DDX54: variants seen among roughly 807,000 people sequenced by gnomAD.
DDX54 encodes DEAD-box helicase 54.
DDX54 carries 67 observed loss-of-function variants against 105.5 expected under a neutral mutation model. The ratio of observed to expected loss-of-function variants is 0.64; its 90% CI spans 0.52 to 0.78. The LOEUF is 0.78. Among genes scored for constraint, DDX54 ranks in the 30% least tolerant of loss-of-function variants. The pLI is 0.00. For missense variants in DDX54, 1,206 were observed against 1,230.5 expected (o/e 0.98, Z 0.30); for synonymous variants, 514 against 509.9 (o/e 1.01, Z -0.11).
At chr12:113,185,171 C>T in intron 1 of DDX54, 107 bp downstream of exon 1, 1 of 1,364,298 alleles carries the variant, frequency 7.3e-7, no homozygotes, top group South Asian at 1.6e-5. Flanking sequence ...AGCCTCCCTC[C>T]CCACACTCTG....
At chr12:113,184,186 TC>T (rs975927395) in intron 1 of DDX54, among the ~76,000 whole-genome samples, 57 of 152,324 alleles carry the variant, frequency 3.7e-4, no homozygotes, top group African/African-American at 1.3e-3. Flanking sequence ...CCTCAGGTGA[TC>T]CGCCTGCCTC....
In DDX54 at chr12:113,185,350, G is replaced by A; in HGVS notation, c.102C>T (p.Ser34=). Residue 34 remains serine, a synonymous_variant, in exon 1 of 20, where the codon TCC becomes TCT. Transcript: ENST00000306014. Reference sequence around the variant, plus strand: ...CCTCCGAGTCGCTGCCGCGGGCCTGGGAGGCCGCGCCTCGGCGCTTCCGGA... The same window carrying A: ...CCTCCGAGTCGCTGCCGCGGGCCTGAGAGGCCGCGCCTCGGCGCTTCCGGA... ...KGLRKRRGAA[S]QARGSDSEDG... 2 of 1,587,702 alleles carry A rather than the reference G, an allele frequency of 1.3e-6. No homozygotes were observed. The highest frequency in any genetic ancestry group is 1.7e-6 in the Non-Finnish European group (2 of 1,170,140).
intron 12 of DDX54, among the ~76,000 whole-genome samples, chr12:113,167,070 T>C (rs532587327): frequency 1.1e-3 from 162 of 152,222 alleles, no homozygotes; most frequent in Middle Eastern, 0.01. Flanking sequence ...GTTCTAACTT[T>C]TTACTACAAA....
At chr12:113,174,504 A>G in intron 10 of DDX54, 136 bp downstream of exon 10, 1 of 1,304,334 alleles carries the variant, frequency 7.7e-7, no homozygotes, top group Non-Finnish European at 1.0e-6. Flanking sequence ...TAAAAAATAA[A>G]AATAAAAATG....
chr12:113,174,395 G>A (rs1000706553), intron 10 of DDX54, among the ~76,000 whole-genome samples: 7 of 152,128 alleles, frequency 4.6e-5, no homozygotes, highest in Non-Finnish European at 1.0e-4. Flanking sequence ...GCTGAGGCGG[G>A]AGAATTGTTT....
Position 113,161,345 on chromosome 12 carries a change from G to A in DDX54, c.2338C>T (p.Arg780Cys). 2 of 1,613,274 alleles carry A rather than the reference G, an allele frequency of 1.2e-6. No individual in the cohort carries two copies. Among genetic ancestry groups the A allele is most frequent in the East Asian group, 2.2e-5 (1 of 44,866 alleles). Residue 780 changes from arginine (R) to cysteine (C), a missense_variant, in exon 19 of 20, where the codon CGT becomes TGT. Coordinates refer to ENST00000306014, the MANE Select transcript of DDX54 (RefSeq NM_024072.4). ...KWKQKQKIDD[R>C]DSDEEGASDR... The stretch of plus-strand genomic sequence containing the variant: ...GATGCCCCTTCTTCGTCCGAGTCAC[G>A]ATCATCAATTTTCTGTTTCTGTTTC...
intron 19 of DDX54, chr12:113,159,351 G>A: frequency 2.0e-6 from 1 of 506,036 alleles, no homozygotes; most frequent in Non-Finnish European, 3.4e-6. Context: ...CCGTGGGCAA[G>A]AAGTTAACGG....
chr12:113,178,938 G>T, intron 5 of DDX54, 39 bp downstream of exon 5: 1 of 1,611,056 alleles, frequency 6.2e-7, no homozygotes, highest in Non-Finnish European at 8.5e-7. Flanking sequence ...AGATGTGCCT[G>T]CATGGTGGTG....
At chr12:113,177,259 T>G in intron 5 of DDX54, 166 bp from the exon 6 acceptor site, 1 of 680,404 alleles carries the variant, frequency 1.5e-6, no homozygotes, top group East Asian at 2.7e-5. Context: ...GGCATTGCCC[T>G]GACAAGAGAT....
At chr12:113,182,989 C>T (rs780885482) in intron 1 of DDX54, among the ~76,000 whole-genome samples, 6 of 151,828 alleles carry the variant, frequency 4.0e-5, no homozygotes, top group Non-Finnish European at 8.8e-5. Context: ...TCCCAAGTAG[C>T]TGGGACTACA....
intron 14 of DDX54, among the ~76,000 whole-genome samples, chr12:113,165,401 GC>G (rs1203582388): frequency 6.6e-6 from 1 of 152,222 alleles, no homozygotes; most frequent in East Asian, 1.9e-4. Flanking sequence ...CCTGCTGTGA[GC>G]CAGCAGGGAT....
rs761656747 is a variant in DDX54 at position 113,181,112 on chromosome 12, G to A, written c.175-54C>T. The A allele has an allele frequency of 7.6e-6, 12 of 1,575,332 alleles. No homozygotes were observed. The South Asian group carries it at 1.0e-4, about 14-fold the overall frequency. The stretch of plus-strand genomic sequence containing the variant: ...CACTCCAGGCACAGTGGGACCACAG[G>A]GGGCAGGGAAGGGGCCTGTGCTGTT... On this transcript the variant is annotated intron_variant, in intron 1 of 19. Transcript: ENST00000306014.
chr12:113,169,422 G>C (rs534529624), intron 12 of DDX54, among the ~76,000 whole-genome samples: 25 of 152,234 alleles, frequency 1.6e-4, no homozygotes, highest in Non-Finnish European at 3.4e-4. Flanking sequence ...TTCGAGATCA[G>C]CCTGGCCAAC....
chr12:113,172,454 A>AT lies in DDX54; in HGVS notation c.1177dup (p.Ile393AsnfsTer4), dbSNP rs1952353099. 1.2e-6 allele frequency: 2 copies of AT among 1,614,252 alleles called. No homozygotes were observed. Among genetic ancestry groups the AT allele is most frequent in the East Asian group, 4.5e-5 (2 of 44,890 alleles). ...GCCTCGGGCGGCCAGGTCAGTCACA[A>AT]TGAGAGTGGAGCACTTGCCAAGCGT... On this transcript the variant is annotated frameshift_variant, in exon 11 of 20. Transcript: ENST00000306014. LOFTEE classifies it high-confidence loss of function.
At chr12:113,172,224 G>T (rs759307807) in intron 11 of DDX54, 129 bp downstream of exon 11, 3 of 1,032,138 alleles carry the variant, frequency 2.9e-6, no homozygotes, top group South Asian at 1.6e-5. Flanking sequence ...GCAATATAGC[G>T]AGGCTCTGTC....
intron 14 of DDX54, among the ~76,000 whole-genome samples, chr12:113,164,512 G>C (rs961725468): frequency 6.6e-6 from 1 of 152,100 alleles, no homozygotes; most frequent in African/African-American, 2.4e-5. Flanking sequence ...TCAGGAGTTC[G>C]AGACTAGCCT....
chr12:113,177,034 C>T lies in DDX54; in HGVS notation c.656+18G>A, dbSNP rs1236484992. ...TAGGAAGGGATCTCAGGGAGTCATC[C>T]CCAATCCACAAACTCACATGTCGGG... On this transcript the variant is annotated intron_variant, in intron 6 of 19. Transcript: ENST00000306014. 1.9e-6 allele frequency: 3 copies of T among 1,613,940 alleles called. No homozygotes were observed. Among genetic ancestry groups the T allele is most frequent in the Non-Finnish European group, 2.5e-6 (3 of 1,179,982 alleles).
In DDX54 at chr12:113,180,950, ACTT is replaced by A. The variant is rs147593229; in HGVS notation, c.280_282del (p.Lys94del). On this transcript the variant is annotated inframe_deletion, in exon 2 of 20. Transcript: ENST00000306014. ...CCACCCATGGACTGGAAGCCTCCAGACTTCTTCTTCTTCTTGTTCTGGGCACGC... is the reference window on the plus strand; with the variant it reads ...CCACCCATGGACTGGAAGCCTCCAGACTTCTTCTTCTTGTTCTGGGCACGC... 1.2e-4 allele frequency: 193 copies of A among 1,609,222 alleles called. No individual in the cohort carries two copies. Among genetic ancestry groups the A allele is most frequent in the East Asian group, 2.3e-4 (10 of 44,436 alleles).
chr12:113,158,604 C>A lies in DDX54; in HGVS notation c.*273G>T. The A allele has an allele frequency of 6.8e-6, 3 of 441,958 alleles. No homozygotes were observed. The allele number at this position is 441,958 out of a possible 1,614,324, so 27.4% of individuals were successfully genotyped here. A position where few individuals can be genotyped will look rare whatever the true frequency, so the allele number is the denominator to read the frequency against. ...CTGAACCCAGAACACATGGAAGCAG[C>A]AGCAGCTGAGTTGCCAACTCAAGTC... On this transcript the variant is annotated 3_prime_UTR_variant, in exon 20 of 20. Transcript: ENST00000306014. The surrounding 1 kb of genome is among the most constrained non-coding windows in gnomAD (Gnocchi z 4.9).
Sources: gnomAD v4.1 joint callset for allele counts (sites outside exome capture counted in the v4.1 genomes callset) on GRCh38, gnomAD v4.1.1 for gene constraint, Gnocchi (gnomAD v3.1) non-coding constraint, MANE v1.5 for transcripts, NCBI Gene and HGNC (gene_info 2026-07-23, HGNC 2026-07-21) for gene names.